Variants in NSMCE2 observed in about 807,000 individuals in gnomAD.
The protein encoded by NSMCE2 is E3 SUMO-protein ligase NSE2.
NSMCE2 carries 24 observed loss-of-function variants against 23.8 expected under a neutral mutation model. The observed-to-expected ratio is 1.01, with a 90% CI of 0.73 to 1.42. NSMCE2 has a LOEUF of 1.42. Ranked by LOEUF, NSMCE2 falls within the 40% of genes most tolerant of loss-of-function variation. The pLI is 0.00. For missense variants in NSMCE2, 284 were observed against 296.5 expected (o/e 0.96, Z 0.31); for synonymous variants, 92 against 94.1 (o/e 0.98, Z 0.13).
intron 3 of NSMCE2, among the ~76,000 whole-genome samples, chr8:125,107,262 C>G (rs1013972098): frequency 1.4e-5 from 2 of 145,580 alleles, no homozygotes; most frequent in Non-Finnish European, 3.0e-5. Flanking sequence ...TCTTGGCTCA[C>G]TGCAACCTCC....
intron 5 of NSMCE2, among the ~76,000 whole-genome samples, chr8:125,194,851 G>C (rs1386506131): frequency 6.6e-6 from 1 of 151,954 alleles, no homozygotes; most frequent in African/African-American, 2.4e-5. Flanking sequence ...TCTCATTGTG[G>C]TTTTAATTTA....
intron 5 of NSMCE2, among the ~76,000 whole-genome samples, chr8:125,326,969 A>G (rs903164948): frequency 2.1e-4 from 30 of 143,708 alleles, no homozygotes; most frequent in Non-Finnish European, 6.1e-5. Context: ...AAAAAAAAAG[A>G]GAGAGAGAGA....
intron 5 of NSMCE2, among the ~76,000 whole-genome samples, chr8:125,198,256 A>T (rs56988673): frequency 0.031 from 4,750 of 152,100 alleles, 245 homozygotes; most frequent in African/African-American, 0.11. Flanking sequence ...GGGCAGCCTT[A>T]TCTTGTGCCG....
chr8:125,323,755 A>G (rs1161611546), intron 5 of NSMCE2, among the ~76,000 whole-genome samples: 1 of 152,216 alleles, frequency 6.6e-6, no homozygotes, highest in African/African-American at 2.4e-5. Flanking sequence ...AGAAACTGTG[A>G]CCTTGGTTTA....
chr8:125,321,934 C>G (rs1355642491), intron 5 of NSMCE2, among the ~76,000 whole-genome samples: 1 of 152,150 alleles, frequency 6.6e-6, no homozygotes, highest in Non-Finnish European at 1.5e-5. Flanking sequence ...CTGCATTTCC[C>G]TAATGACTCA....
chr8:125,229,284 T>C (rs1193398450), intron 5 of NSMCE2, among the ~76,000 whole-genome samples: 1 of 152,216 alleles, frequency 6.6e-6, no homozygotes, highest in Non-Finnish European at 1.5e-5. Flanking sequence ...ATCGATGAAC[T>C]GAAAGCAGTG....
rs574704279 is a variant in NSMCE2, at chr8:125,289,027, A to G, written c.419-68192A>G. On this transcript the variant is annotated intron_variant, in intron 5 of 7. Transcript: ENST00000287437. The stretch of plus-strand genomic sequence containing the variant: ...GGCTGGTCTCAAACTCCTGAGCTCA[A>G]GCAATCCTGCCTTAACCTCCCAAAG... Among the ~76,000 whole-genome samples, 23 of 152,250 alleles carry G rather than the reference A, an allele frequency of 1.5e-4. No individual in the cohort carries two copies. In the East Asian group the frequency reaches 4.4e-3, roughly 29 times the overall value.
intron 3 of NSMCE2, among the ~76,000 whole-genome samples, chr8:125,127,649 C>A (rs1340483817): frequency 6.6e-6 from 1 of 152,036 alleles, no homozygotes; most frequent in East Asian, 1.9e-4. Flanking sequence ...TGAGCATTAC[C>A]CTGTATCTGC....
chr8:125,130,304 A>C (rs892684731), intron 3 of NSMCE2: 1 of 455,724 alleles, frequency 2.2e-6, no homozygotes, highest in East Asian at 6.9e-5. Context: ...AGTAATGTCA[A>C]CCTTGATCAC....
rs536299798 is a variant in NSMCE2 at position 125,308,404 on chromosome 8, G to A, written c.419-48815G>A. On this transcript the variant is annotated intron_variant, in intron 5 of 7. Coordinates refer to ENST00000287437, the MANE Select transcript of NSMCE2 (RefSeq NM_173685.4). ...ATTATCCTCGCCTAATGGTCTTCTTGAGTCAGAGAAGTCTTTTTCCTTTGA... is the reference window on the plus strand; with the variant it reads ...ATTATCCTCGCCTAATGGTCTTCTTAAGTCAGAGAAGTCTTTTTCCTTTGA... Among the ~76,000 whole-genome samples the A allele has an allele frequency of 2.0e-5, 3 of 152,230 alleles. No homozygotes were observed. The South Asian group carries it at 6.2e-4, about 32-fold the overall frequency.
At chr8:125,139,707 G>A (rs1820259759) in intron 3 of NSMCE2, among the ~76,000 whole-genome samples, 1 of 152,180 alleles carries the variant, frequency 6.6e-6, no homozygotes, top group Non-Finnish European at 1.5e-5. Context: ...CATGATACAT[G>A]GGAATTGTGG....
intron 3 of NSMCE2, among the ~76,000 whole-genome samples, chr8:125,121,968 A>G (rs1208330330): frequency 1.3e-5 from 2 of 151,950 alleles, no homozygotes; most frequent in African/African-American, 4.8e-5. Context: ...ATCCTTTGTA[A>G]CCCTAACCCC....
chr8:125,364,658 T>C (rs955103116), intron 7 of NSMCE2, among the ~76,000 whole-genome samples: 1 of 152,142 alleles, frequency 6.6e-6, no homozygotes, highest in African/African-American at 2.4e-5. Flanking sequence ...AAGATAGAAA[T>C]AGATCCAGAA....
chr8:125,316,732 T>TTCCTTCC (rs1554637205), intron 5 of NSMCE2, among the ~76,000 whole-genome samples: 1 of 102,474 alleles, frequency 9.8e-6, no homozygotes, highest in African/African-American at 4.6e-5. Flanking sequence ...CTTTCCTTCT[T>TTCCTTCC]TTCCTTCCTT....
chr8:125,276,775 G>A (rs1161520818), intron 5 of NSMCE2, among the ~76,000 whole-genome samples: 3 of 152,212 alleles, frequency 2.0e-5, no homozygotes, highest in Non-Finnish European at 2.9e-5. Context: ...TTACAGACAA[G>A]CAAATGGAAT....
At chr8:125,160,042 C>G (rs1248515868) in intron 4 of NSMCE2, among the ~76,000 whole-genome samples, 1 of 151,768 alleles carries the variant, frequency 6.6e-6, no homozygotes, top group East Asian at 1.9e-4. Context: ...CATATGTACA[C>G]AAATAGCTAC....
chr8:125,349,052 CACACACACACAG>C (rs1259925468), intron 5 of NSMCE2, among the ~76,000 whole-genome samples: 1 of 141,692 alleles, frequency 7.1e-6, no homozygotes, highest in Non-Finnish European at 1.5e-5. Context: ...CACACACACA[CACACACACACAG>C]AGCTCTTAAT....
intron 5 of NSMCE2, among the ~76,000 whole-genome samples, chr8:125,265,281 G>A (rs1402561073): frequency 6.6e-6 from 1 of 151,514 alleles, no homozygotes; most frequent in East Asian, 1.9e-4. Context: ...GAGTACAACG[G>A]CAAGATCTTG....
At chr8:125,325,631 G>A (rs981973412) in intron 5 of NSMCE2, among the ~76,000 whole-genome samples, 15 of 152,256 alleles carry the variant, frequency 9.9e-5, no homozygotes, top group East Asian at 1.9e-4. Context: ...ACAGGTGTGA[G>A]CCACTGTGCC....
Sources: gnomAD v4.1 joint callset for allele counts (sites outside exome capture counted in the v4.1 genomes callset) on GRCh38, gnomAD v4.1.1 for gene constraint, MANE v1.5 for transcripts, NCBI Gene and HGNC (gene_info 2026-07-23, HGNC 2026-07-21) for gene names.